Variants in MDGA2 observed in about 807,000 individuals in gnomAD.
MDGA2 encodes the protein MAM domain containing glycosylphosphatidylinositol anchor 2, also known as MAM domain-containing glycosylphosphatidylinositol anchor protein 2.
In MDGA2, 40 loss-of-function variants were observed where a neutral mutation model predicts 117.8. That is an observed-to-expected ratio of 0.34 (90% CI 0.26 to 0.44). MDGA2 has a LOEUF of 0.44. Among genes scored for constraint, MDGA2 ranks in the 20% least tolerant of loss-of-function variants. The probability of loss-of-function intolerance (pLI) is 1.00; values close to 1 mark genes in which losing one functional copy is unlikely to be tolerated. For missense variants in MDGA2, 1,123 were observed against 1,250.6 expected (o/e 0.90, Z 1.54); for synonymous variants, 452 against 439.0 (o/e 1.03, Z -0.37).
intron 6 of MDGA2, among the ~76,000 whole-genome samples, chr14:47,068,848 C>T (rs1414677330): frequency 6.6e-6 from 1 of 152,100 alleles, no homozygotes; most frequent in Non-Finnish European, 1.5e-5. Context: ...ATGAGACTAA[C>T]TTAATCTAAA....
intron 1 of MDGA2, among the ~76,000 whole-genome samples, chr14:47,322,132 A>C (rs112370678): frequency 2.6e-4 from 40 of 152,272 alleles, no homozygotes; most frequent in African/African-American, 9.4e-4. Flanking sequence ...TCCTGTTAAC[A>C]GTGTTATATT....
intron 6 of MDGA2, among the ~76,000 whole-genome samples, chr14:47,076,508 C>T (rs1242645688): frequency 1.3e-5 from 2 of 151,128 alleles, no homozygotes; most frequent in African/African-American, 2.4e-5. Flanking sequence ...TATCAGGTTA[C>T]GATGTATTTC....
At chr14:47,615,418 A>G (rs753631585) in intron 1 of MDGA2, among the ~76,000 whole-genome samples, 14 of 152,302 alleles carry the variant, frequency 9.2e-5, no homozygotes, top group Admixed American at 1.3e-4. Flanking sequence ...GACCAAGATA[A>G]ATGTAAAGTG....
intron 2 of MDGA2, among the ~76,000 whole-genome samples, chr14:47,282,093 A>T (rs184435242): frequency 9.2e-4 from 139 of 151,316 alleles, no homozygotes; most frequent in Non-Finnish European, 1.1e-3. Flanking sequence ...AATTATTTGG[A>T]TACCTTGAAA....
At chr14:47,164,595 G>A (rs1400587830) in intron 3 of MDGA2, among the ~76,000 whole-genome samples, 3 of 152,128 alleles carry the variant, frequency 2.0e-5, no homozygotes, top group African/African-American at 7.2e-5. Flanking sequence ...TAAAAAGTCA[G>A]GAAACAACAG....
At chr14:46,853,493 G>A (rs2138295808) in intron 15 of MDGA2, among the ~76,000 whole-genome samples, 1 of 151,750 alleles carries the variant, frequency 6.6e-6, no homozygotes, top group Non-Finnish European at 1.5e-5. Flanking sequence ...CGAATGATAA[G>A]GAAAATCTTA....
At chr14:47,250,703 C>T (rs1385547589) in intron 2 of MDGA2, among the ~76,000 whole-genome samples, 1 of 152,138 alleles carries the variant, frequency 6.6e-6, no homozygotes, top group Non-Finnish European at 1.5e-5. Context: ...TTATAAACCA[C>T]CCAGTTCTAA....
At chr14:47,561,480 T>G (rs1300042068) in intron 1 of MDGA2, among the ~76,000 whole-genome samples, 13 of 152,088 alleles carry the variant, frequency 8.5e-5, no homozygotes, top group African/African-American at 3.1e-4. Context: ...ATTTTATTCT[T>G]TTTCTAAGTT....
At chr14:47,229,595 C>T (rs1328103517) in intron 2 of MDGA2, among the ~76,000 whole-genome samples, 1 of 151,132 alleles carries the variant, frequency 6.6e-6, no homozygotes, top group African/African-American at 2.4e-5. Context: ...GAAGAAACAA[C>T]TAAAAGTAAC....
chr14:46,853,178 T>C (rs1179250872), intron 15 of MDGA2, among the ~76,000 whole-genome samples: 1 of 151,790 alleles, frequency 6.6e-6, no homozygotes, highest in African/African-American at 2.4e-5. Context: ...AGATGAAAAA[T>C]ACACTGAATA....
intron 3 of MDGA2, among the ~76,000 whole-genome samples, chr14:47,176,800 T>C (rs1245800489): frequency 6.6e-6 from 1 of 151,920 alleles, no homozygotes; most frequent in Non-Finnish European, 1.5e-5. Context: ...AATTGACAAA[T>C]GGGATCTAAT....
At chr14:47,357,225 C>T (rs148719473) in intron 1 of MDGA2, among the ~76,000 whole-genome samples, 19 of 152,302 alleles carry the variant, frequency 1.2e-4, no homozygotes, top group African/African-American at 4.3e-4. Context: ...ACGAAACCAA[C>T]CACTATAATA....
intron 10 of MDGA2, among the ~76,000 whole-genome samples, chr14:46,916,022 A>G (rs1196038738): frequency 6.6e-6 from 1 of 152,162 alleles, no homozygotes; most frequent in East Asian, 1.9e-4. Context: ...TAAAGATGAC[A>G]GAGCTGGTGA....
chr14:47,253,999 T>C (rs1337291628), intron 2 of MDGA2, among the ~76,000 whole-genome samples: 1 of 152,212 alleles, frequency 6.6e-6, no homozygotes, highest in African/African-American at 2.4e-5. Context: ...GAGTTGTACA[T>C]TCGCCTCTTT....
intron 1 of MDGA2, among the ~76,000 whole-genome samples, chr14:47,313,152 C>A (rs1282209543): frequency 6.6e-6 from 1 of 151,964 alleles, no homozygotes; most frequent in Non-Finnish European, 1.5e-5. Context: ...TCTATTTTAA[C>A]CCCGAAGAAG....
intron 14 of MDGA2, chr14:46,871,297 A>C (rs190997980): frequency 6.6e-6 from 1 of 151,908 alleles, no homozygotes. Context: ...TCACACCACT[A>C]CTAAGTAACT....
intron 3 of MDGA2, among the ~76,000 whole-genome samples, chr14:47,172,984 G>A (rs574861557): frequency 9.9e-5 from 15 of 152,228 alleles, no homozygotes; most frequent in African/African-American, 1.7e-4. Context: ...GCCAAGGCTC[G>A]AGAACTATGT....
intron 2 of MDGA2, among the ~76,000 whole-genome samples, chr14:47,262,645 T>G (rs970709087): frequency 2.0e-5 from 3 of 152,260 alleles, no homozygotes; most frequent in African/African-American, 7.2e-5. Flanking sequence ...AGGGAAAGTT[T>G]TGAGCAAAGT....
At position 46,884,823 on chromosome 14, in the gene MDGA2, T is replaced by C. The variant is rs191674761; in HGVS notation, c.2239-2602A>G. ...AGGAAAAATACAGAAAAAATGTTAT[T>C]ATGATCTCAGGTAATACATTACTTT... On this transcript the variant is annotated intron_variant, in intron 10 of 16. Coordinates refer to ENST00000399232, the MANE Select transcript of MDGA2 (RefSeq NM_001113498.3). This position sits in a 1 kb window ranked among gnomAD's most constrained non-coding sequence, Gnocchi z 4.1. 6.6e-6 allele frequency among the ~76,000 whole-genome samples: 1 copy of C among 152,106 alleles called. No individual in the cohort carries two copies. Among genetic ancestry groups the C allele is most frequent in the East Asian group, 1.9e-4 (1 of 5,168 alleles).
Sources: gnomAD v4.1 joint callset for allele counts (sites outside exome capture counted in the v4.1 genomes callset) on GRCh38, gnomAD v4.1.1 for gene constraint, Gnocchi (gnomAD v3.1) non-coding constraint, MANE v1.5 for transcripts, NCBI Gene and HGNC (gene_info 2026-07-23, HGNC 2026-07-21) for gene names.